STAB2: variants seen among roughly 807,000 people sequenced by gnomAD.
The protein encoded by STAB2 is stabilin-2.
Under a neutral mutation model 338.1 loss-of-function variants are expected in STAB2, and 288 were observed. The ratio of observed to expected loss-of-function variants is 0.85; its 90% CI spans 0.77 to 0.94. The LOEUF (loss-of-function observed/expected upper bound fraction) is 0.94. Among genes scored for constraint, STAB2 ranks in the 40% least tolerant of loss-of-function variants. STAB2 has a pLI of 0.00. For synonymous variants in STAB2, 1,202 were observed against 1,193.3 expected, an observed-to-expected ratio of 1.01 and a Z score of -0.15; for missense variants, 3,141 against 3,210.1, an observed-to-expected ratio of 0.98 and a Z score of 0.52.
chr12:103,667,836 G>A (rs1263203958), intron 19 of STAB2, among the ~76,000 whole-genome samples: 4 of 152,114 alleles, frequency 2.6e-5, no homozygotes, highest in African/African-American at 7.2e-5. Context: ...CTAAATTCTC[G>A]TGACAAAACT....
intron 47 of STAB2, 130 bp downstream of exon 47, chr12:103,727,480 T>A (rs776623077): frequency 6.8e-6 from 7 of 1,025,388 alleles, no homozygotes; most frequent in African/African-American, 1.6e-5. Context: ...TCACCAGCAA[T>A]AGAAGGGGCT....
chr12:103,696,306 C>G (rs368358356), intron 33 of STAB2, among the ~76,000 whole-genome samples: 3 of 152,112 alleles, frequency 2.0e-5, no homozygotes, highest in African/African-American at 4.8e-5. Context: ...AGTGCCACCC[C>G]CATCTTATTA....
chr12:103,699,018 C>T (rs1878633526), intron 33 of STAB2, 78 bp from the exon 34 acceptor site: 2 of 1,514,840 alleles, frequency 1.3e-6, no homozygotes, highest in East Asian at 2.3e-5. Flanking sequence ...GTAATCTCCA[C>T]AGTGACAGCA....
chr12:103,599,621 G>A (rs559079410), intron 3 of STAB2, among the ~76,000 whole-genome samples: 11 of 152,338 alleles, frequency 7.2e-5, no homozygotes, highest in African/African-American at 2.4e-4. Context: ...TATTAGGGAT[G>A]TACTTATGCT....
chr12:103,720,872 C>T lies in STAB2; in HGVS notation c.4683+3031C>T, dbSNP rs78634359. On this transcript the variant is annotated intron_variant, in intron 44 of 68. Coordinates refer to ENST00000388887, the MANE Select transcript of STAB2 (RefSeq NM_017564.10). ...GCAGGTCTGCTTCCTGGTTCACAGA[C>T]GGTGCCTTCTTGCTCATTGGTAGAA... is the stretch of plus-strand genomic sequence containing the variant. Among the ~76,000 whole-genome samples the T allele has an allele frequency of 4.5e-3, 689 of 152,330 alleles. 2 individuals are homozygous for T. The highest frequency in any genetic ancestry group is 8.3e-3 in the Non-Finnish European group (567 of 68,030).
chr12:103,614,667 C>A (rs972461175), intron 3 of STAB2, among the ~76,000 whole-genome samples: 8 of 152,208 alleles, frequency 5.3e-5, no homozygotes, highest in African/African-American at 1.9e-4. Flanking sequence ...CAGAACCTTT[C>A]TGAAGCACCA....
chr12:103,618,825 C>T (rs1957251838), intron 3 of STAB2, among the ~76,000 whole-genome samples: 1 of 152,178 alleles, frequency 6.6e-6, no homozygotes, highest in East Asian at 1.9e-4. Context: ...GGCTCTGTGT[C>T]CCCACCCAGT....
intron 19 of STAB2, 101 bp from the exon 20 acceptor site, chr12:103,668,542 G>A: frequency 9.2e-7 from 1 of 1,082,590 alleles, no homozygotes; most frequent in East Asian, 2.6e-5. Flanking sequence ...GACGTCAGTG[G>A]TGAAATGGAA....
chr12:103,650,948 C>A (rs972676261), intron 11 of STAB2, among the ~76,000 whole-genome samples: 5 of 152,112 alleles, frequency 3.3e-5, no homozygotes, highest in African/African-American at 1.2e-4. Flanking sequence ...CTGCTCACTT[C>A]CCACAGGAAG....
At chr12:103,687,486 T>G (rs1877534231) in intron 27 of STAB2, among the ~76,000 whole-genome samples, 1 of 152,164 alleles carries the variant, frequency 6.6e-6, no homozygotes, top group South Asian at 2.1e-4. Context: ...TTTCATATCT[T>G]ATAGCTTCCC....
chr12:103,660,316 T>C lies in STAB2; in HGVS notation c.1735-15T>C, dbSNP rs1421566319. ...TTTTCTTCTTTGACTAAAGAAGTAT[T>C]TGGTTCCTTTGCAGGGATCTCGGAA... On this transcript the variant is annotated splice_polypyrimidine_tract_variant and intron_variant, in intron 15 of 68. Coordinates refer to ENST00000388887, the MANE Select transcript of STAB2 (RefSeq NM_017564.10). 1.2e-5 allele frequency: 19 copies of C among 1,613,826 alleles called. No individual in the cohort carries two copies. Among genetic ancestry groups the C allele is most frequent in the Admixed American group, 1.7e-5 (1 of 60,004 alleles).
At chr12:103,653,739 G>GATGGATGGATGA (rs1873947729) in intron 12 of STAB2, among the ~76,000 whole-genome samples, 6 of 149,298 alleles carry the variant, frequency 4.0e-5, no homozygotes, top group African/African-American at 1.3e-4. Context: ...TGGATGGATG[G>GATGGATGGATGA]ATGGATGAAT....
At chr12:103,634,878 A>G (rs1429720824) in intron 6 of STAB2, among the ~76,000 whole-genome samples, 1 of 152,258 alleles carries the variant, frequency 6.6e-6, no homozygotes, top group East Asian at 1.9e-4. Flanking sequence ...ATGAAAGTCC[A>G]GGAAAAATAT....
Position 103,637,219 on chromosome 12 carries a change from A to G in STAB2, c.692A>G (p.Asp231Gly), listed in dbSNP as rs550260904. ...AAATGCCTTCCCAATTACCGAGGCGATGGCAAATACTGCGACCGTGAGTAG... is the reference window on the plus strand; with the variant it reads ...AAATGCCTTCCCAATTACCGAGGCGGTGGCAAATACTGCGACCGTGAGTAG... Reference protein sequence around the residue: ...ECKCLPNYRGDGKYCDPINPC... With the variant: ...ECKCLPNYRGGGKYCDPINPC... The change falls in exon 7 of 69, where the codon GAT (aspartate) becomes GGT (glycine). Residue 231 changes from aspartate (D) to glycine (G), a missense_variant. Asp to Gly is a moderately conservative substitution (Grantham distance 94). Transcript: ENST00000388887. 154 of 1,612,168 alleles carry G rather than the reference A, an allele frequency of 9.6e-5. No individual in the cohort carries two copies. In the South Asian group the frequency reaches 1.6e-3, roughly 17 times the overall value.
At chr12:103,675,550 CAG>C (rs1843096318) in intron 23 of STAB2, among the ~76,000 whole-genome samples, 1 of 152,248 alleles carries the variant, frequency 6.6e-6, no homozygotes, top group African/African-American at 2.4e-5. Context: ...AAAATAAGAG[CAG>C]AGACACTGTC....
At position 103,654,201 on chromosome 12, in the gene STAB2, G is replaced by A. The variant is rs574837624; in HGVS notation, c.1408-354G>A. Among the ~76,000 whole-genome samples the A allele has an allele frequency of 5.3e-5, 8 of 152,318 alleles. No individual in the cohort carries two copies. The South Asian group carries it at 6.2e-4, about 12-fold the overall frequency. On this transcript the variant is annotated intron_variant, in intron 12 of 68. Transcript: ENST00000388887. Reference sequence around the variant, plus strand: ...TATTTATTCCACAAATAATTTTATTGTGTGCTTTCTCTGTGCAAGACACTA... The same window carrying A: ...TATTTATTCCACAAATAATTTTATTATGTGCTTTCTCTGTGCAAGACACTA...
At chr12:103,675,886 G>A (rs768617187) in intron 23 of STAB2, 42 bp from the exon 24 acceptor site, 31 of 1,522,322 alleles carry the variant, frequency 2.0e-5, no homozygotes. Context: ...CTGGGTCGTT[G>A]GTGCTTATTC....
At chr12:103,628,472 G>A (rs925014529) in intron 5 of STAB2, among the ~76,000 whole-genome samples, 2 of 152,186 alleles carry the variant, frequency 1.3e-5, no homozygotes, top group South Asian at 2.1e-4. Context: ...CTGCACACTG[G>A]GTGGCTTAAA....
rs768431569 is a variant in STAB2, at chr12:103,715,904, C to T, written c.4611+16C>T. On this transcript the variant is annotated intron_variant, in intron 43 of 68. Transcript: ENST00000388887. ...ACCCAACCAGGTGAGTGCCACCTCT[C>T]CCAGGCCCTTAGGTTTCCTAAAAGG... 1.1e-5 allele frequency: 17 copies of T among 1,613,570 alleles called. No individual in the cohort carries two copies. In the East Asian group the frequency reaches 1.6e-4, roughly 15 times the overall value.
Sources: allele counts gnomAD v4.1 joint callset (sites outside exome capture counted in the v4.1 genomes callset), GRCh38; gene constraint gnomAD v4.1.1; transcripts MANE v1.5; gene names NCBI Gene and HGNC (gene_info 2026-07-23, HGNC 2026-07-21).